Variants in CLPP observed in about 807,000 individuals in gnomAD.
The protein encoded by CLPP is ATP-dependent Clp protease proteolytic subunit, mitochondrial.
In CLPP, 14 loss-of-function variants were observed where a neutral mutation model predicts 27.4. The observed-to-expected ratio is 0.51, with a 90% CI of 0.34 to 0.80. CLPP has a LOEUF of 0.80. Among genes scored for constraint, CLPP ranks in the 30% least tolerant of loss-of-function variants. CLPP has a pLI of 0.02. For missense variants in CLPP, 361 were observed against 403.6 expected (o/e 0.89, Z 0.90); for synonymous variants, 193 against 166.6 (o/e 1.16, Z -1.22).
Position 6,361,743 on chromosome 19 carries a change from C to T in CLPP, c.169C>T (p.Pro57Ser). ...GCACGCGACGGCGACCCGGGCTCTC[C>T]CGCTCATTCCCATCGTGGTGGAGCA... is the stretch of plus-strand genomic sequence containing the variant. ...CLHATATRAL[P>S]LIPIVVEQTG... The change falls in exon 1 of 6, where the codon CCG becomes TCG. Residue 57 changes from proline (P) to serine (S), a missense_variant. Pro to Ser is a moderately conservative substitution (Grantham distance 74). Transcript: ENST00000245816. 7.2e-6 allele frequency: 11 copies of T among 1,522,284 alleles called. No individual in the cohort carries two copies. The highest frequency in any genetic ancestry group is 9.6e-6 in the Non-Finnish European group (11 of 1,139,906). 94.3% of individuals were successfully genotyped at this position (1,522,284 alleles called of 1,614,324 possible).
rs1322113915 is a variant in CLPP, at chr19:6,368,439, G to A, written c.662-99G>A. 4 of 1,154,474 alleles carry A rather than the reference G, an allele frequency of 3.5e-6. No individual in the cohort carries two copies. The African/African-American group carries it at 6.1e-5, about 18-fold the overall frequency. 71.5% of individuals were successfully genotyped at this position (1,154,474 alleles called of 1,614,324 possible). On this transcript the variant is annotated intron_variant, in intron 5 of 5. Transcript: ENST00000245816. ...GATGGGGCTTCAACATATGAACTTGGGGTGGTGGGCACAAACATTCAGGCC... is the reference window on the plus strand; with the variant it reads ...GATGGGGCTTCAACATATGAACTTGAGGTGGTGGGCACAAACATTCAGGCC...
At chr19:6,366,188 T>A in intron 4 of CLPP, 70 bp from the exon 5 acceptor site, 3 of 1,076,828 alleles carry the variant, frequency 2.8e-6, no homozygotes, top group Non-Finnish European at 2.8e-6. Context: ...GAGTGCCACC[T>A]CCAGCCTCCC....
chr19:6,366,420 C>T, intron 5 of CLPP, 57 bp downstream of exon 5: 1 of 1,371,060 alleles, frequency 7.3e-7, no homozygotes, highest in East Asian at 2.4e-5. Flanking sequence ...AGGCGTTGCT[C>T]TAAGCCAGGG....
At chr19:6,364,667 T>C in intron 4 of CLPP, 28 bp downstream of exon 4, 1 of 1,595,232 alleles carries the variant, frequency 6.3e-7, no homozygotes, top group East Asian at 2.2e-5. Context: ...GAGCTGCTGT[T>C]GGGAATCAGG....
Position 6,370,048 on chromosome 19 carries a change from C to A in CLPP, c.*1338C>A, listed in dbSNP as rs2091880540. ...TAGCTAGGTGGGATGTGACAGAGAGCAGTTTCCAGAAACTCCGAGCTGATG... is the reference window on the plus strand; with the variant it reads ...TAGCTAGGTGGGATGTGACAGAGAGAAGTTTCCAGAAACTCCGAGCTGATG... On this transcript the variant is annotated 3_prime_UTR_variant, in exon 6 of 6. Transcript: ENST00000245816. Among the ~76,000 whole-genome samples the A allele has an allele frequency of 6.6e-6, 1 of 152,146 alleles. No homozygotes were observed. Among genetic ancestry groups the A allele is most frequent in the Admixed American group, 6.6e-5 (1 of 15,254 alleles).
Position 6,369,185 on chromosome 19 carries a change from GC to G in CLPP, c.*478del, listed in dbSNP as rs1408815156. Among the ~76,000 whole-genome samples, 1 of 152,190 alleles carries G rather than the reference GC, an allele frequency of 6.6e-6. No homozygotes were observed. The highest frequency in any genetic ancestry group is 1.5e-5 in the Non-Finnish European group (1 of 68,042). On this transcript the variant is annotated 3_prime_UTR_variant, in exon 6 of 6. Coordinates refer to ENST00000245816, the MANE Select transcript of CLPP (RefSeq NM_006012.4). ...CGCCTGTAATCCCAGCACTTTGGGA[GC>G]CCGAGGCAGGCGGATCATGAGGTCA...
chr19:6,370,124 A>G lies in CLPP; in HGVS notation c.*1414A>G, dbSNP rs1022891255. Among the ~76,000 whole-genome samples the G allele has an allele frequency of 5.9e-5, 9 of 152,242 alleles. No homozygotes were observed. Among genetic ancestry groups the G allele is most frequent in the African/African-American group, 2.2e-4 (9 of 41,468 alleles). On this transcript the variant is annotated 3_prime_UTR_variant, in exon 6 of 6. Coordinates refer to ENST00000245816, the MANE Select transcript of CLPP (RefSeq NM_006012.4). ...GTCGCCTGAGATGGGAAGTGTAGGC[A>G]AAGGAACAGGCTTGGGGAGGGATCA...
rs374867716 is a variant in CLPP, at chr19:6,362,105, C to T, written c.270+165C>T. The T allele has an allele frequency of 1.0e-3, 663 of 645,570 alleles. 8 individuals carry two copies. The East Asian group carries it at 0.018, about 17-fold the overall frequency. The allele number at this position is 645,570 out of a possible 1,614,324, so 40.0% of individuals were successfully genotyped here. A position where few individuals can be genotyped will look rare whatever the true frequency, so the allele number is the denominator to read the frequency against. ...CCTCCTGGCTCCCGGTCCCCCAACCCGCTCCTCACCCCTTCTCTGCTCCTC... is the reference window on the plus strand; with the variant it reads ...CCTCCTGGCTCCCGGTCCCCCAACCTGCTCCTCACCCCTTCTCTGCTCCTC... On this transcript the variant is annotated intron_variant, in intron 2 of 5. Transcript: ENST00000245816.
intron 5 of CLPP, among the ~76,000 whole-genome samples, chr19:6,368,172 G>A (rs2096095607): frequency 6.6e-6 from 1 of 152,154 alleles, no homozygotes; most frequent in Admixed American, 6.5e-5. Flanking sequence ...AGAGATTTAT[G>A]TCTCACAGTT....
chr19:6,363,257 G>A (rs2091845379), intron 3 of CLPP, among the ~76,000 whole-genome samples: 1 of 151,882 alleles, frequency 6.6e-6, no homozygotes. Flanking sequence ...CTCTCAAGTA[G>A]CTGGGGATTA....
In CLPP at chr19:6,369,700, G is replaced by A. The variant is rs1283278392; in HGVS notation, c.*990G>A. Among the ~76,000 whole-genome samples the A allele has an allele frequency of 1.6e-4, 24 of 151,648 alleles. No homozygotes were observed. The highest frequency in any genetic ancestry group is 3.2e-4 in the Non-Finnish European group (22 of 67,954). On this transcript the variant is annotated 3_prime_UTR_variant, in exon 6 of 6. Transcript: ENST00000245816. ...AAGTAGAGGTGAAAATTAGCCAGGCGTGATGGTGCACTTGAACCCGGGAGG... is the reference window on the plus strand; with the variant it reads ...AAGTAGAGGTGAAAATTAGCCAGGCATGATGGTGCACTTGAACCCGGGAGG...
In CLPP at chr19:6,362,982, C is replaced by G. The variant is rs190286571; in HGVS notation, c.367+440C>G. Among the ~76,000 whole-genome samples the G allele has an allele frequency of 3.0e-4, 45 of 152,040 alleles. No homozygotes were observed. The East Asian group carries it at 5.8e-3, about 20-fold the overall frequency. On this transcript the variant is annotated intron_variant, in intron 3 of 5. Transcript: ENST00000245816. ...GCGTGTGCCTGTAGTCCCAGCAACT[C>G]GGAAGGCTGAGGGAGAAGGATCACT...
intron 2 of CLPP, chr19:6,362,154 C>T: frequency 1.7e-6 from 1 of 601,754 alleles, no homozygotes; most frequent in Non-Finnish European, 3.0e-6. Flanking sequence ...CGACTTCCTT[C>T]CTGACACCTG....
intron 5 of CLPP, 113 bp downstream of exon 5, chr19:6,366,476 T>G: frequency 1.4e-6 from 1 of 712,140 alleles, no homozygotes; most frequent in Non-Finnish European, 2.4e-6. Context: ...GATCGTTCTC[T>G]GGGATGGGGG....
chr19:6,366,441 T>C, intron 5 of CLPP, 78 bp downstream of exon 5: 1 of 1,131,328 alleles, frequency 8.8e-7, no homozygotes, highest in Non-Finnish European at 1.3e-6. Flanking sequence ...CTTCTCCACC[T>C]GGCCCCTGCG....
chr19:6,364,640 G>C lies in CLPP; in HGVS notation c.555+1G>C. 6.2e-7 allele frequency: 1 copy of C among 1,608,176 alleles called. No individual in the cohort carries two copies. Among genetic ancestry groups the C allele is most frequent in the Non-Finnish European group, 8.5e-7 (1 of 1,178,192 alleles). On this transcript the variant is annotated splice_donor_variant, in intron 4 of 5. Coordinates refer to ENST00000245816, the MANE Select transcript of CLPP (RefSeq NM_006012.4). LOFTEE classifies it high-confidence loss of function. ...CCACCAGCCCTCAGGAGGCGCCCGG[G>C]TGAGTGCCAGACACGCGAGCTGCTG...
chr19:6,361,977 C>A (rs754834945), intron 2 of CLPP, 37 bp downstream of exon 2: 79 of 1,578,670 alleles, frequency 5.0e-5, no homozygotes, highest in Non-Finnish European at 6.5e-5. Flanking sequence ...CCAGGACTCT[C>A]CCAAGCGCCT....
At position 6,366,610 on chromosome 19, in the gene CLPP, G is replaced by A. The variant is rs570712683; in HGVS notation, c.661+247G>A. ...AGGCAGGAGAATCTGTGGAATATGA[G>A]AGTTTGAGGTTACAGTGAGCTAATT... On this transcript the variant is annotated intron_variant, in intron 5 of 5. Coordinates refer to ENST00000245816, the MANE Select transcript of CLPP (RefSeq NM_006012.4). Among the ~76,000 whole-genome samples, 114 of 152,152 alleles carry A rather than the reference G, an allele frequency of 7.5e-4. 6 individuals carry two copies. The South Asian group carries it at 0.022, about 29-fold the overall frequency.
Position 6,368,595 on chromosome 19 carries a change from T to C in CLPP, c.719T>C (p.Ile240Thr), listed in dbSNP as rs777772628. ...CCCATGGAGGCCCAGGAGTTTGGCATCTTAGACAAGGTTCTGGTCCACCCT... is the reference window on the plus strand; with the variant it reads ...CCCATGGAGGCCCAGGAGTTTGGCACCTTAGACAAGGTTCTGGTCCACCCT... ...MSPMEAQEFG[I>T]LDKVLVHPPQ... The change falls in exon 6 of 6, where the codon ATC becomes ACC. Residue 240 changes from isoleucine to threonine, a missense_variant. By Grantham distance (89) the Ile-to-Thr change is moderately conservative. Coordinates refer to ENST00000245816, the MANE Select transcript of CLPP (RefSeq NM_006012.4). 1.2e-6 allele frequency: 2 copies of C among 1,613,964 alleles called. No homozygotes were observed. The highest frequency in any genetic ancestry group is 8.5e-7 in the Non-Finnish European group (1 of 1,179,974).
Sources: gnomAD v4.1 joint callset for allele counts (sites outside exome capture counted in the v4.1 genomes callset) on GRCh38, gnomAD v4.1.1 for gene constraint, MANE v1.5 for transcripts, NCBI Gene and HGNC (gene_info 2026-07-23, HGNC 2026-07-21) for gene names.